The following PSMA3 variants were observed in gnomAD, a reference collection of about 807,000 sequenced individuals.
The protein encoded by PSMA3 is proteasome 20S subunit alpha 3.
A neutral mutation model predicts 40.0 loss-of-function variants in PSMA3; 8 were observed. The ratio of observed to expected loss-of-function variants is 0.20; its 90% CI spans 0.12 to 0.36. PSMA3 has a LOEUF of 0.36. Ranked by LOEUF, PSMA3 falls within the 10% of genes least tolerant of loss-of-function variation. The probability of loss-of-function intolerance (pLI) is 1.00; values close to 1 mark genes in which losing one functional copy is unlikely to be tolerated. For synonymous variants in PSMA3, 110 were observed against 100.0 expected (o/e 1.10, Z -0.59); for missense variants, 219 against 310.6 (o/e 0.70, Z 2.22).
intron 8 of PSMA3, chr14:58,269,636 G>T (rs1381057671): frequency 6.6e-6 from 1 of 151,496 alleles, no homozygotes; most frequent in Non-Finnish European, 1.5e-5. Flanking sequence ...GGTTCACCAT[G>T]TTGGCCAGGA....
chr14:58,253,225 TCC>T (rs1890054000), intron 3 of PSMA3, among the ~76,000 whole-genome samples: 2 of 152,048 alleles, frequency 1.3e-5, no homozygotes, highest in African/African-American at 4.8e-5. Flanking sequence ...CCTCAAGTGA[TCC>T]ATCTGCCCGC....
chr14:58,263,689 ATTT>A lies in PSMA3; in HGVS notation c.478-11_478-9del. ...GTGTACTAATTCAGTGATTATATATATTTTTTTCTAAATAGGGTTATTGGGGCT... is the reference window on the plus strand; with the variant it reads ...GTGTACTAATTCAGTGATTATATATATTTTCTAAATAGGGTTATTGGGGCT... On this transcript the variant is annotated splice_polypyrimidine_tract_variant and intron_variant, in intron 6 of 10. Transcript: ENST00000216455. 1 of 1,600,868 alleles carries A rather than the reference ATTT, an allele frequency of 6.2e-7. No individual in the cohort carries two copies. Among genetic ancestry groups the A allele is most frequent in the African/African-American group, 1.3e-5 (1 of 74,656 alleles).
intron 8 of PSMA3, chr14:58,269,895 G>C (rs1175612088): frequency 6.6e-6 from 1 of 151,844 alleles, no homozygotes; most frequent in Non-Finnish European, 1.5e-5. Context: ...TGTAGCCCAG[G>C]ATGGAGTGCA....
intron 5 of PSMA3, among the ~76,000 whole-genome samples, chr14:58,259,453 T>TAC (rs1890220754): frequency 6.6e-6 from 1 of 152,142 alleles, no homozygotes; most frequent in African/African-American, 2.4e-5. Context: ...TAGCAGGGAT[T>TAC]ACAAGCACCT....
At chr14:58,253,837 AC>A (rs1226031158) in intron 3 of PSMA3, among the ~76,000 whole-genome samples, 1 of 151,532 alleles carries the variant, frequency 6.6e-6, no homozygotes, top group Non-Finnish European at 1.5e-5. Flanking sequence ...CCAGTGATCT[AC>A]CCGCCTTGGC....
chr14:58,255,187 T>A (rs982946424), intron 3 of PSMA3, among the ~76,000 whole-genome samples: 122 of 13,372 alleles, frequency 9.1e-3, no homozygotes, highest in Non-Finnish European at 0.016. Flanking sequence ...TTAGTAGCCG[T>A]TTTTTTTTTT....
chr14:58,245,534 C>G (rs1432298016), intron 1 of PSMA3: 1 of 152,572 alleles, frequency 6.6e-6, no homozygotes, highest in African/African-American at 2.4e-5. Flanking sequence ...AATTACCTAA[C>G]AGCGCTTGTA....
intron 3 of PSMA3, among the ~76,000 whole-genome samples, chr14:58,256,538 C>T (rs901947704): frequency 1.3e-5 from 2 of 151,762 alleles, no homozygotes; most frequent in Non-Finnish European, 2.9e-5. Context: ...CTCGGCCTCC[C>T]AAGTAACTGG....
chr14:58,247,102 G>C (rs1227771890), intron 1 of PSMA3, among the ~76,000 whole-genome samples: 2 of 152,232 alleles, frequency 1.3e-5, no homozygotes, highest in African/African-American at 4.8e-5. Flanking sequence ...ATGTCAAGAA[G>C]ACTTTTCCTT....
intron 7 of PSMA3, chr14:58,266,370 T>TA (rs1448202063): frequency 3.3e-5 from 5 of 152,198 alleles, no homozygotes; most frequent in African/African-American, 7.2e-5. Flanking sequence ...TATCTTTCAC[T>TA]ATATTCCATC....
intron 7 of PSMA3, chr14:58,266,917 G>C (rs1174401864): frequency 6.6e-6 from 1 of 152,176 alleles, no homozygotes; most frequent in African/African-American, 2.4e-5. Context: ...CAGATTCATA[G>C]ATGGCTGTGG....
intron 7 of PSMA3, chr14:58,266,415 T>C (rs1347471369): frequency 1.3e-5 from 2 of 152,342 alleles, no homozygotes; most frequent in South Asian, 2.1e-4. Flanking sequence ...TGAAGGGCAG[T>C]TTGCTCAAAC....
At chr14:58,268,747 G>T (rs1233834274) in intron 8 of PSMA3, 1 of 152,158 alleles carries the variant, frequency 6.6e-6, no homozygotes, top group Non-Finnish European at 1.5e-5. Flanking sequence ...TCTGTTAAGT[G>T]TTCCATGTTA....
chr14:58,251,973 A>C, intron 2 of PSMA3, 146 bp from the exon 3 acceptor site: 1 of 714,848 alleles, frequency 1.4e-6, no homozygotes, highest in Non-Finnish European at 2.2e-6. Flanking sequence ...ATTACACTTT[A>C]GTGTGTTTTC....
At chr14:58,268,796 C>A (rs761253276) in intron 8 of PSMA3, 12 of 152,126 alleles carry the variant, frequency 7.9e-5, no homozygotes, top group Non-Finnish European at 1.5e-4. Flanking sequence ...AATGGAGCAG[C>A]ATGTTATCTT....
Position 58,270,929 on chromosome 14 carries a change from T to C in PSMA3, c.659-5T>C, listed in dbSNP as rs1267726155. 16 of 1,593,796 alleles carry C rather than the reference T, an allele frequency of 1.0e-5. No homozygotes were observed. Among genetic ancestry groups the C allele is most frequent in the African/African-American group, 1.3e-5 (1 of 74,368 alleles). ...ATTCATTTACACATGTGGCTTAATT[T>C]ACAGTAACTAATGGAAGACATGAAA... On this transcript the variant is annotated splice_polypyrimidine_tract_variant and splice_region_variant and intron_variant, in intron 9 of 10. Transcript: ENST00000216455.
chr14:58,271,907 G>C lies in PSMA3; in HGVS notation c.*12G>C. 1 of 1,557,928 alleles carries C rather than the reference G, an allele frequency of 6.4e-7. No individual in the cohort carries two copies. The highest frequency in any genetic ancestry group is 1.1e-5 in the South Asian group (1 of 89,538). ...ATGATAATATGTAACATTTACTCCA[G>C]CATCTATTGTATTTTAAATTTCTAC... On this transcript the variant is annotated 3_prime_UTR_variant, in exon 11 of 11. Transcript: ENST00000216455.
intron 1 of PSMA3, among the ~76,000 whole-genome samples, chr14:58,246,333 C>T (rs1475070280): frequency 6.6e-6 from 1 of 152,172 alleles, no homozygotes; most frequent in Non-Finnish European, 1.5e-5. Flanking sequence ...ATGAAAAAAT[C>T]TGTTATTCAT....
chr14:58,263,556 T>C (rs555577307), intron 6 of PSMA3, 149 bp from the exon 7 acceptor site: 1 of 549,022 alleles, frequency 1.8e-6, no homozygotes, highest in East Asian at 3.2e-5. Flanking sequence ...CCCTTTGGCA[T>C]TCATCAGAAT....
Sources: allele counts gnomAD v4.1 joint callset (sites outside exome capture counted in the v4.1 genomes callset), GRCh38; gene constraint gnomAD v4.1.1; transcripts MANE v1.5; gene names NCBI Gene and HGNC (gene_info 2026-07-23, HGNC 2026-07-21).